The following WHRN variants were observed in gnomAD, a reference collection of about 807,000 sequenced individuals.
WHRN encodes CASK-interacting protein CIP98.
In WHRN, 41 loss-of-function variants were observed where a neutral mutation model predicts 68.3. The observed-to-expected ratio is 0.60, with a 90% CI of 0.47 to 0.78. The LOEUF is 0.78. Ranked by LOEUF, WHRN falls within the 30% of genes least tolerant of loss-of-function variation. WHRN has a pLI of 0.00. For synonymous variants in WHRN, 560 were observed against 561.3 expected, an observed-to-expected ratio of 1.00 and a Z score of 0.03; for missense variants, 1,243 against 1,244.7, an observed-to-expected ratio of 1.00 and a Z score of 0.02.
chr9:114,411,365 G>A (rs1281423292), intron 7 of WHRN, among the ~76,000 whole-genome samples: 1 of 152,144 alleles, frequency 6.6e-6, no homozygotes, highest in Non-Finnish European at 1.5e-5. Flanking sequence ...AGGGGTCAGA[G>A]CCTCAGAGGT....
rs200658217 is a variant in WHRN at position 114,409,137 on chromosome 9, A to G, written c.1627-1119T>C. ...TAACTGATTGCTTCTCTTTCTCTGG[A>G]GAACCCTGCTGGCTACATCAACACT... On this transcript the variant is annotated intron_variant, in intron 7 of 11. Transcript: ENST00000362057. 9.2e-5 allele frequency among the ~76,000 whole-genome samples: 14 copies of G among 152,346 alleles called. No homozygotes were observed. In the East Asian group the frequency reaches 1.9e-3, roughly 21 times the overall value.
Position 114,425,332 on chromosome 9 carries a change from T to C in WHRN, c.1167-308A>G, listed in dbSNP as rs965256144. 2.8e-5 allele frequency: 17 copies of C among 606,468 alleles called. No homozygotes were observed. The African/African-American group carries it at 3.0e-4, about 11-fold the overall frequency. The allele number at this position is 606,468 out of a possible 1,614,324, so 37.6% of individuals were successfully genotyped here. A position where few individuals can be genotyped will look rare whatever the true frequency, so the allele number is the denominator to read the frequency against. ...CACAAGGAGTGGAGGGAAGAAATGG[T>C]GATTGACAGGCAACCTCAGGGTCAG... On this transcript the variant is annotated intron_variant, in intron 4 of 11. Coordinates refer to ENST00000362057, the MANE Select transcript of WHRN (RefSeq NM_015404.4).
At chr9:114,416,451 C>T (rs187706554) in intron 7 of WHRN, among the ~76,000 whole-genome samples, 1 of 152,194 alleles carries the variant, frequency 6.6e-6, no homozygotes, top group African/African-American at 2.4e-5. Flanking sequence ...TCGGATCATG[C>T]GAGCAGATTT....
intron 3 of WHRN, among the ~76,000 whole-genome samples, chr9:114,427,685 C>T (rs765311105): frequency 7.2e-5 from 11 of 152,190 alleles, no homozygotes; most frequent in Admixed American, 3.9e-4. Context: ...CCCAGTTCCC[C>T]GGCTTTTCTT....
chr9:114,414,361 G>C (rs984191953), intron 7 of WHRN, among the ~76,000 whole-genome samples: 1 of 152,214 alleles, frequency 6.6e-6, no homozygotes, highest in Non-Finnish European at 1.5e-5. Flanking sequence ...GGTATTTCCT[G>C]ATGTAATTTG....
intron 3 of WHRN, among the ~76,000 whole-genome samples, chr9:114,456,917 A>G (rs371241534): frequency 4.8e-4 from 73 of 152,176 alleles, no homozygotes; most frequent in Middle Eastern, 3.4e-3. Flanking sequence ...GTTTTAGGTG[A>G]TTCTTACTCT....
At chr9:114,458,288 C>T (rs1430322339) in intron 3 of WHRN, among the ~76,000 whole-genome samples, 1 of 152,132 alleles carries the variant, frequency 6.6e-6, no homozygotes, top group Non-Finnish European at 1.5e-5. Flanking sequence ...TAGATAGTTG[C>T]TTCCCTTCTT....
chr9:114,492,371 C>A (rs1482559772), intron 1 of WHRN, among the ~76,000 whole-genome samples: 1 of 152,140 alleles, frequency 6.6e-6, no homozygotes, highest in African/African-American at 2.4e-5. Flanking sequence ...AAAAAACAAA[C>A]TGTCTAACAA....
chr9:114,415,717 C>T (rs960988989), intron 7 of WHRN, among the ~76,000 whole-genome samples: 24 of 152,198 alleles, frequency 1.6e-4, no homozygotes, highest in African/African-American at 5.3e-4. Flanking sequence ...CCCTGGCAGG[C>T]AGGAGATGCT....
chr9:114,403,835 C>G (rs532371775), intron 10 of WHRN, 61 bp downstream of exon 10: 1 of 1,595,792 alleles, frequency 6.3e-7, no homozygotes, highest in African/African-American at 1.3e-5. Context: ...CGGGACCTCC[C>G]ATTCTGTGCC....
rs538982262 is a variant in WHRN, at chr9:114,403,058, G to A, written c.2542-122C>T. On this transcript the variant is annotated intron_variant, in intron 11 of 11. Coordinates refer to ENST00000362057, the MANE Select transcript of WHRN (RefSeq NM_015404.4). The stretch of plus-strand genomic sequence containing the variant: ...GCTACAATCTGAGTGTCCACTTCTC[G>A]GATTAGGAAAGCTGAGGCCCGGAAG... 4.3e-5 allele frequency: 66 copies of A among 1,524,310 alleles called. No individual in the cohort carries two copies. In the East Asian group the frequency reaches 5.1e-4, roughly 12 times the overall value. The allele number at this position is 1,524,310 out of a possible 1,614,324, so 94.4% of individuals were successfully genotyped here.
intron 8 of WHRN, 40 bp downstream of exon 8, chr9:114,407,907 A>G (rs764267879): frequency 9.7e-6 from 15 of 1,545,798 alleles, no homozygotes; most frequent in Non-Finnish European, 1.2e-5. Flanking sequence ...ACCTGAGCAC[A>G]CCAGGGAGAG....
intron 3 of WHRN, among the ~76,000 whole-genome samples, chr9:114,442,838 T>G (rs1011237549): frequency 1.3e-5 from 2 of 152,162 alleles, no homozygotes; most frequent in African/African-American, 2.4e-5. Context: ...CTTTATAAAT[T>G]ACCCAGGCTC....
In WHRN at chr9:114,403,294, T is replaced by A. The variant is rs1255102968; in HGVS notation, c.2464A>T (p.Ser822Cys). 1 of 1,614,096 alleles carries A rather than the reference T, an allele frequency of 6.2e-7. No individual in the cohort carries two copies. Among genetic ancestry groups the A allele is most frequent in the East Asian group, 2.2e-5 (1 of 44,862 alleles). The change falls in exon 11 of 12, where the codon AGT becomes TGT. Residue 822 changes from serine to cysteine, a missense_variant. By Grantham distance (112) the Ser-to-Cys change is moderately radical. Coordinates refer to ENST00000362057, the MANE Select transcript of WHRN (RefSeq NM_015404.4). ...PTSTLVRVKKSAATLGIAIEG... is the reference protein window; with the variant it reads ...PTSTLVRVKKCAATLGIAIEG... Reference sequence around the variant, plus strand: ...ATGGCGATGCCCAGGGTGGCCGCACTTTTCTTCACACGGACCAGAGTGGAC... The same window carrying A: ...ATGGCGATGCCCAGGGTGGCCGCACATTTCTTCACACGGACCAGAGTGGAC...
intron 7 of WHRN, among the ~76,000 whole-genome samples, chr9:114,412,536 G>A (rs1835521692): frequency 6.6e-6 from 1 of 152,232 alleles, no homozygotes; most frequent in South Asian, 2.1e-4. Context: ...AGCAAGGACA[G>A]GGCAGAAAGC....
intron 7 of WHRN, among the ~76,000 whole-genome samples, chr9:114,422,546 C>T (rs772874735): frequency 1.3e-5 from 2 of 152,160 alleles, no homozygotes; most frequent in Non-Finnish European, 2.9e-5. Flanking sequence ...AAGAGAGTCA[C>T]GCTGGGGCCA....
intron 3 of WHRN, among the ~76,000 whole-genome samples, chr9:114,459,387 C>T (rs989277256): frequency 6.6e-6 from 1 of 152,090 alleles, no homozygotes; most frequent in African/African-American, 2.4e-5. Context: ...TTGCTTGAAC[C>T]TGGGGGTGGA....
At chr9:114,433,890 C>T (rs931887511) in intron 3 of WHRN, among the ~76,000 whole-genome samples, 3 of 152,156 alleles carry the variant, frequency 2.0e-5, no homozygotes, top group East Asian at 3.9e-4. Flanking sequence ...TGCTTCCTTC[C>T]GGTTCTCTCT....
intron 2 of WHRN, among the ~76,000 whole-genome samples, chr9:114,468,093 A>G (rs1459352485): frequency 6.6e-6 from 1 of 152,182 alleles, no homozygotes; most frequent in Non-Finnish European, 1.5e-5. Context: ...AGGGGAGGGC[A>G]CAGCTGTGTG....
Sources: gnomAD v4.1 joint callset for allele counts (sites outside exome capture counted in the v4.1 genomes callset) on GRCh38, gnomAD v4.1.1 for gene constraint, MANE v1.5 for transcripts, NCBI Gene and HGNC (gene_info 2026-07-23, HGNC 2026-07-21) for gene names.